The following PTPRD variants were observed in gnomAD, a reference collection of about 807,000 sequenced individuals.
The protein encoded by PTPRD is protein tyrosine phosphatase receptor type D, also known as receptor-type tyrosine-protein phosphatase delta.
PTPRD carries 34 observed loss-of-function variants against 214.5 expected under a neutral mutation model. The observed-to-expected ratio is 0.16, with a 90% confidence interval of 0.12 to 0.21. PTPRD has a LOEUF of 0.21. Ranked by LOEUF, PTPRD falls within the 10% of genes least tolerant of loss-of-function variation. The probability of loss-of-function intolerance (pLI) is 1.00; values close to 1 mark genes in which losing one functional copy is unlikely to be tolerated. For missense variants in PTPRD, 2,545 were observed against 2,398.7 expected, an observed-to-expected ratio of 1.06 and a Z score of -1.27; for synonymous variants, 1,128 against 845.7, an observed-to-expected ratio of 1.33 and a Z score of -5.79.
At chr9:9,820,930 T>C (rs1358573688) in intron 5 of PTPRD, among the ~76,000 whole-genome samples, 1 of 152,180 alleles carries the variant, frequency 6.6e-6, no homozygotes, top group Admixed American at 6.5e-5. Flanking sequence ...GCCTCTGTCC[T>C]TGTTCTTTTT....
chr9:9,953,203 T>C (rs900557812), intron 4 of PTPRD, among the ~76,000 whole-genome samples: 5 of 152,190 alleles, frequency 3.3e-5, no homozygotes, highest in African/African-American at 1.2e-4. Flanking sequence ...AACATTATCC[T>C]GGATATTTCT....
intron 2 of PTPRD, among the ~76,000 whole-genome samples, chr9:10,525,734 G>GTT (rs1397468114): frequency 6.6e-6 from 1 of 151,220 alleles, no homozygotes; most frequent in Non-Finnish European, 1.5e-5. Flanking sequence ...CAAAGTGTGT[G>GTT]TGTGTGTGTG....
intron 12 of PTPRD, among the ~76,000 whole-genome samples, chr9:8,678,292 C>T (rs531037235): frequency 1.3e-5 from 2 of 152,258 alleles, no homozygotes; most frequent in East Asian, 3.9e-4. Context: ...TGTTCTGAGT[C>T]AAGTTAATGT....
intron 4 of PTPRD, among the ~76,000 whole-genome samples, chr9:9,953,819 G>A (rs2093664372): frequency 6.6e-6 from 1 of 152,044 alleles, no homozygotes; most frequent in Non-Finnish European, 1.5e-5. Flanking sequence ...CCCGCCATAG[G>A]GTTTTATCGA....
At chr9:8,854,206 G>C (rs142635190) in intron 11 of PTPRD, among the ~76,000 whole-genome samples, 1 of 152,136 alleles carries the variant, frequency 6.6e-6, no homozygotes, top group Non-Finnish European at 1.5e-5. Flanking sequence ...GATATTTTAA[G>C]TGTAAACCTA....
Position 9,415,648 on chromosome 9 carries a change from A to G in PTPRD, c.-236-18166T>C, listed in dbSNP as rs539602195. On this transcript the variant is annotated intron_variant, in intron 8 of 45. Coordinates refer to ENST00000381196, the MANE Select transcript of PTPRD (RefSeq NM_002839.4). ...TAATACCTAACCTGTACAAAAAGCC[A>G]TAAGATTACCCTTTAGGGATTAGTA... Among the ~76,000 whole-genome samples the G allele has an allele frequency of 6.6e-5, 10 of 152,338 alleles. 1 individual carries two copies. In the Middle Eastern group the frequency reaches 0.014, roughly 207 times the overall value.
chr9:10,009,193 A>G (rs772819896), intron 4 of PTPRD, among the ~76,000 whole-genome samples: 3 of 151,984 alleles, frequency 2.0e-5, no homozygotes, highest in African/African-American at 7.2e-5. Flanking sequence ...TATGCTATAC[A>G]TTTGTCAACA....
At chr9:10,356,525 C>T (rs1215375462) in intron 2 of PTPRD, among the ~76,000 whole-genome samples, 12 of 152,064 alleles carry the variant, frequency 7.9e-5, no homozygotes, top group Non-Finnish European at 1.5e-4. Context: ...ACTTAATATT[C>T]CCATTATGCA....
chr9:9,668,124 TCATCTGAATAAGAAGC>T (rs2096758293), intron 7 of PTPRD, among the ~76,000 whole-genome samples: 2 of 152,226 alleles, frequency 1.3e-5, no homozygotes, highest in South Asian at 4.1e-4. Flanking sequence ...TCTCCACGTA[TCATCTGAATAAGAAGC>T]CACCAGGTCT....
intron 12 of PTPRD, among the ~76,000 whole-genome samples, chr9:8,698,801 C>A (rs927947246): frequency 6.6e-6 from 1 of 152,114 alleles, no homozygotes; most frequent in East Asian, 1.9e-4. Flanking sequence ...TTGGGGATAA[C>A]GCATAGCAAT....
chr9:10,197,436 A>C (rs935395363), intron 3 of PTPRD, among the ~76,000 whole-genome samples: 7 of 152,156 alleles, frequency 4.6e-5, no homozygotes, highest in African/African-American at 1.4e-4. Context: ...ACAAGACATT[A>C]AAAACTTTGC....
intron 8 of PTPRD, among the ~76,000 whole-genome samples, chr9:9,479,204 TACACACACACGCCCCCCCCCCCCCC>T (rs2095273608): frequency 1.6e-5 from 2 of 122,428 alleles, no homozygotes. Flanking sequence ...CATACATACA[TACACACACACGCCCCCCCCCCCCCC>T]ACACACACAC....
chr9:10,169,473 CAAAAAAAAA>C (rs59335943), intron 3 of PTPRD, among the ~76,000 whole-genome samples: 1 of 66,876 alleles, frequency 1.5e-5, no homozygotes, highest in African/African-American at 7.2e-5. Context: ...GACTCTGTCT[CAAAAAAAAA>C]AAAAAAAAAA....
intron 11 of PTPRD, among the ~76,000 whole-genome samples, chr9:8,841,072 A>C: frequency 6.6e-6 from 1 of 152,196 alleles, no homozygotes. Context: ...AAGATGGACT[A>C]TTAAATCTTT....
intron 5 of PTPRD, among the ~76,000 whole-genome samples, chr9:9,797,844 A>G: frequency 6.6e-6 from 1 of 152,164 alleles, no homozygotes; most frequent in Admixed American, 6.6e-5. Flanking sequence ...GCGAGACTTA[A>G]TCTCAAAAAA....
At chr9:9,889,771 TCAG>T (rs898534097) in intron 5 of PTPRD, among the ~76,000 whole-genome samples, 1 of 151,880 alleles carries the variant, frequency 6.6e-6, no homozygotes, top group Non-Finnish European at 1.5e-5. Context: ...TGTGCTTGTC[TCAG>T]CAAGTTCCTG....
chr9:10,600,697 T>G (rs985581263), intron 2 of PTPRD, among the ~76,000 whole-genome samples: 2 of 151,746 alleles, frequency 1.3e-5, no homozygotes, highest in Non-Finnish European at 1.5e-5. Context: ...ACTGATCAAT[T>G]TGTTGTGCAG....
intron 5 of PTPRD, among the ~76,000 whole-genome samples, chr9:9,767,984 G>T (rs115703320): frequency 1.3e-3 from 199 of 152,194 alleles, no homozygotes; most frequent in African/African-American, 4.7e-3. Flanking sequence ...AGCTATCATC[G>T]AAACAGCACA....
At chr9:8,319,755 G>T (rs1825493229) in intron 45 of PTPRD, 76 bp downstream of exon 45, 1 of 1,549,374 alleles carries the variant, frequency 6.5e-7, no homozygotes. Context: ...GGTGTTGAGA[G>T]AGTATGGAGT....
Sources: gnomAD v4.1 joint callset for allele counts (sites outside exome capture counted in the v4.1 genomes callset) on GRCh38, gnomAD v4.1.1 for gene constraint, MANE v1.5 for transcripts, NCBI Gene and HGNC (gene_info 2026-07-23, HGNC 2026-07-21) for gene names.